Variants in CORO1C observed in about 807,000 individuals in gnomAD.
CORO1C encodes the protein coronin-1C.
CORO1C carries 14 observed loss-of-function variants against 51.2 expected under a neutral mutation model. That is an observed-to-expected ratio of 0.27 (90% CI 0.18 to 0.43). CORO1C has a LOEUF of 0.43. Ranked by LOEUF, CORO1C falls within the 20% of genes least tolerant of loss-of-function variation. The pLI, the probability that CORO1C is intolerant of heterozygous loss-of-function variation, is 1.00. For synonymous variants in CORO1C, 181 were observed against 210.5 expected (o/e 0.86, Z 1.21); for missense variants, 417 against 607.8 (o/e 0.69, Z 3.30).
intron 8 of CORO1C, among the ~76,000 whole-genome samples, chr12:108,650,180 CT>C (rs1057367204): frequency 0.065 from 5,227 of 80,278 alleles, 26 homozygotes; most frequent in South Asian, 0.12. Context: ...AACCAAAAAC[CT>C]TTTTTTTTTT....
intron 1 of CORO1C, among the ~76,000 whole-genome samples, chr12:108,726,250 T>C (rs559401224): frequency 6.6e-6 from 1 of 152,032 alleles, no homozygotes; most frequent in East Asian, 1.9e-4. Context: ...ATCCCATCTC[T>C]ACTAAAAAAT....
At chr12:108,706,362 T>C (rs966676923) in intron 1 of CORO1C, among the ~76,000 whole-genome samples, 2 of 152,078 alleles carry the variant, frequency 1.3e-5, no homozygotes, top group African/African-American at 4.8e-5. Context: ...CTCCCTGAGA[T>C]CAAGAATAAG....
intron 3 of CORO1C, among the ~76,000 whole-genome samples, chr12:108,674,535 G>A (rs946508826): frequency 2.7e-5 from 4 of 146,726 alleles, no homozygotes; most frequent in Non-Finnish European, 1.5e-5. Flanking sequence ...GCGACAGAGC[G>A]AGACTCCGTC....
At chr12:108,665,922 G>A (rs2033458333) in intron 3 of CORO1C, among the ~76,000 whole-genome samples, 1 of 152,196 alleles carries the variant, frequency 6.6e-6, no homozygotes, top group African/African-American at 2.4e-5. Context: ...GACTAACATG[G>A]TAACATGAAA....
rs1246450284 is a variant in CORO1C, at chr12:108,648,960, C to T, written c.1059+3G>A. ...TGGATTGTCTAGAAAACTCAGCACTCACCTTCCTGGGAACAGTCATAATAA... is the reference window on the plus strand; with the variant it reads ...TGGATTGTCTAGAAAACTCAGCACTTACCTTCCTGGGAACAGTCATAATAA... On this transcript the variant is annotated splice_donor_region_variant and intron_variant, in intron 9 of 10. Transcript: ENST00000261401. 2 of 1,614,028 alleles carry T rather than the reference C, an allele frequency of 1.2e-6. No individual in the cohort carries two copies. The highest frequency in any genetic ancestry group is 2.7e-5 in the African/African-American group (2 of 75,050).
rs79808687 is a variant in CORO1C, at chr12:108,648,526, C to A, written c.1305+79G>T. 1,723 of 1,585,728 alleles carry A rather than the reference C, an allele frequency of 1.1e-3. 23 individuals are homozygous for A. In the African/African-American group the frequency reaches 0.021, roughly 19 times the overall value. On this transcript the variant is annotated intron_variant, in intron 10 of 10. Coordinates refer to ENST00000261401, the MANE Select transcript of CORO1C (RefSeq NM_014325.4). ...AGCACCCAGCTGGGACAGTACTCGCCGACGCCCTGGACCACAAGGGCTTTC... is the reference window on the plus strand; with the variant it reads ...AGCACCCAGCTGGGACAGTACTCGCAGACGCCCTGGACCACAAGGGCTTTC...
At position 108,660,037 on chromosome 12, in the gene CORO1C, G is replaced by A. The variant is rs142810789; in HGVS notation, c.449-1118C>T. Among the ~76,000 whole-genome samples the A allele has an allele frequency of 4.6e-5, 7 of 152,318 alleles. 1 individual carries two copies. Among genetic ancestry groups the A allele is most frequent in the African/African-American group, 1.7e-4 (7 of 41,568 alleles). On this transcript the variant is annotated intron_variant, in intron 4 of 10. Transcript: ENST00000261401. Reference sequence around the variant, plus strand: ...TGTTGCTCCTAGGATGTTAGTTCAAGGATGAAGCAAAATACGGGAAGGACA... The same window carrying A: ...TGTTGCTCCTAGGATGTTAGTTCAAAGATGAAGCAAAATACGGGAAGGACA...
intron 2 of CORO1C, among the ~76,000 whole-genome samples, chr12:108,693,987 T>C (rs1319662764): frequency 6.6e-6 from 1 of 152,186 alleles, no homozygotes; most frequent in African/African-American, 2.4e-5. Flanking sequence ...AGCACAGTTG[T>C]TGAAGCTTCT....
intron 1 of CORO1C, among the ~76,000 whole-genome samples, chr12:108,727,738 TA>T (rs2136893808): frequency 6.6e-6 from 1 of 152,298 alleles, no homozygotes; most frequent in South Asian, 2.1e-4. Context: ...CCACTATTCA[TA>T]AATTGGAAAT....
intron 6 of CORO1C, among the ~76,000 whole-genome samples, chr12:108,654,971 GCTGGGATT>G (rs1454720259): frequency 2.0e-5 from 3 of 152,046 alleles, no homozygotes; most frequent in Non-Finnish European, 4.4e-5. Context: ...CTCCCAAAGT[GCTGGGATT>G]ACAGGAATGG....
At chr12:108,728,371 C>T (rs1222814438) in intron 1 of CORO1C, among the ~76,000 whole-genome samples, 1 of 151,466 alleles carries the variant, frequency 6.6e-6, no homozygotes, top group African/African-American at 2.4e-5. Flanking sequence ...CTATACAATA[C>T]TACCACACAT....
In CORO1C at chr12:108,701,299, T is replaced by A; in HGVS notation, c.20A>T (p.Gln7Leu). ...CCCAAATACATGCCGAAACTTGCTC[T>A]GTCGTACCACTCGCCTCATCGTGTC... Reference protein sequence around the residue: MRRVVRQSKFRHVFGQA... With the variant: MRRVVRLSKFRHVFGQA... Residue 7 changes from glutamine (Q) to leucine (L), a missense_variant, in exon 2 of 11, where the codon CAG (glutamine) becomes CTG (leucine). Physicochemically the swap from Gln to Leu is moderately radical, Grantham distance 113 (BLOSUM62 -2). Coordinates refer to ENST00000261401, the MANE Select transcript of CORO1C (RefSeq NM_014325.4). The A allele has an allele frequency of 6.2e-7, 1 of 1,614,200 alleles. No individual in the cohort carries two copies. The highest frequency in any genetic ancestry group is 8.5e-7 in the Non-Finnish European group (1 of 1,180,030).
At chr12:108,704,571 G>A (rs1489554358) in intron 1 of CORO1C, among the ~76,000 whole-genome samples, 2 of 152,194 alleles carry the variant, frequency 1.3e-5, no homozygotes, top group African/African-American at 2.4e-5. Flanking sequence ...CAATCACAGA[G>A]TAGAATGTTA....
rs1204853279 is a variant in CORO1C, at chr12:108,667,076, C to CA, written c.319-4919dup. Among the ~76,000 whole-genome samples the CA allele has an allele frequency of 6.7e-3, 896 of 134,456 alleles. 5 individuals carry two copies. Among genetic ancestry groups the CA allele is most frequent in the Non-Finnish European group, 9.2e-3 (570 of 61,906 alleles). 88.2% of individuals were successfully genotyped at this position (134,456 alleles called of 152,430 possible). ...CATAAAGGCTTAGAATAGCGCGTGGCAAAAAAAAAAAAGAGCCTACCATAT... is the reference window on the plus strand; with the variant it reads ...CATAAAGGCTTAGAATAGCGCGTGGCAAAAAAAAAAAAAGAGCCTACCATAT... On this transcript the variant is annotated intron_variant, in intron 3 of 10. Coordinates refer to ENST00000261401, the MANE Select transcript of CORO1C (RefSeq NM_014325.4).
At chr12:108,701,516 G>A (rs754737575) in intron 1 of CORO1C, 193 bp from the exon 2 acceptor site, 11 of 718,794 alleles carry the variant, frequency 1.5e-5, no homozygotes, top group Non-Finnish European at 2.4e-5. Flanking sequence ...ATGCGTCAGG[G>A]AAAGAATTAC....
chr12:108,729,157 G>T (rs1260152404), intron 1 of CORO1C, among the ~76,000 whole-genome samples: 2 of 152,084 alleles, frequency 1.3e-5, no homozygotes, highest in East Asian at 3.8e-4. Context: ...TCTCATAGTC[G>T]TTAGAGTGAC....
At position 108,658,416 on chromosome 12, in the gene CORO1C, C is replaced by T. The variant is rs2033117272; in HGVS notation, c.630+322G>A. Among the ~76,000 whole-genome samples, 1 of 152,228 alleles carries T rather than the reference C, an allele frequency of 6.6e-6. No homozygotes were observed. Among genetic ancestry groups the T allele is most frequent in the Middle Eastern group, 3.4e-3 (1 of 294 alleles). On this transcript the variant is annotated intron_variant, in intron 5 of 10. Transcript: ENST00000261401. The surrounding 1 kb of genome is among the most constrained non-coding windows in gnomAD (Gnocchi z 4.9). Reference sequence around the variant, plus strand: ...TGATTCATCAATATTCAATACTAAGCTGCAAAATCAGGAATGCAGCCAATT... The same window carrying T: ...TGATTCATCAATATTCAATACTAAGTTGCAAAATCAGGAATGCAGCCAATT...
chr12:108,719,234 G>GA (rs2035415799), intron 1 of CORO1C, among the ~76,000 whole-genome samples: 1 of 152,152 alleles, frequency 6.6e-6, no homozygotes. Context: ...TTAAGTAGAA[G>GA]GCCAGCAAAA....
chr12:108,664,262 GA>G (rs1262401542), intron 3 of CORO1C, among the ~76,000 whole-genome samples: 1 of 152,158 alleles, frequency 6.6e-6, no homozygotes, highest in African/African-American at 2.4e-5. Context: ...GAACACGTGA[GA>G]AAAAGAATTT....
Sources: gnomAD v4.1 joint callset for allele counts (sites outside exome capture counted in the v4.1 genomes callset) on GRCh38, gnomAD v4.1.1 for gene constraint, Gnocchi (gnomAD v3.1) non-coding constraint, MANE v1.5 for transcripts, NCBI Gene and HGNC (gene_info 2026-07-23, HGNC 2026-07-21) for gene names.